PTPRD: variants seen among roughly 807,000 people sequenced by gnomAD.
The protein encoded by PTPRD is protein tyrosine phosphatase receptor type D.
In PTPRD, 34 loss-of-function variants were observed where a neutral mutation model predicts 214.5. That is an observed-to-expected ratio of 0.16 (90% CI 0.12 to 0.21). The LOEUF is 0.21. PTPRD is among the 10% of genes least tolerant of loss of function. The pLI is 1.00. For synonymous variants in PTPRD, 1,128 were observed against 845.7 expected, an observed-to-expected ratio of 1.33 and a Z score of -5.79; for missense variants, 2,545 against 2,398.7, an observed-to-expected ratio of 1.06 and a Z score of -1.27.
At chr9:9,086,912 T>A (rs534956839) in intron 10 of PTPRD, among the ~76,000 whole-genome samples, 2 of 151,832 alleles carry the variant, frequency 1.3e-5, no homozygotes, top group Admixed American at 6.6e-5. Flanking sequence ...TACCATACAA[T>A]AGCAAAAGCC....
intron 13 of PTPRD, among the ~76,000 whole-genome samples, 194 bp downstream of exon 13, chr9:8,636,505 A>T (rs1046154077): frequency 1.3e-5 from 2 of 152,194 alleles, no homozygotes; most frequent in Non-Finnish European, 2.9e-5. Flanking sequence ...AGTAGAAACA[A>T]AAATCAGCCC....
chr9:10,504,620 T>C (rs1302627517), intron 2 of PTPRD, among the ~76,000 whole-genome samples: 1 of 152,170 alleles, frequency 6.6e-6, no homozygotes, highest in Non-Finnish European at 1.5e-5. Flanking sequence ...CTCTTCCGAA[T>C]TCGTCAATTG....
chr9:9,010,145 A>C (rs2099502901), intron 11 of PTPRD, among the ~76,000 whole-genome samples: 1 of 152,222 alleles, frequency 6.6e-6, no homozygotes, highest in African/African-American at 2.4e-5. Context: ...AAAAGAGGCC[A>C]AAATCTGAAC....
chr9:9,764,334 A>G (rs1363338727), intron 6 of PTPRD, among the ~76,000 whole-genome samples: 1 of 152,204 alleles, frequency 6.6e-6, no homozygotes, highest in Non-Finnish European at 1.5e-5. Flanking sequence ...CATTCAAAAT[A>G]TGCTTGTGCA....
intron 14 of PTPRD, among the ~76,000 whole-genome samples, chr9:8,544,655 A>T (rs1243600772): frequency 6.6e-6 from 1 of 150,730 alleles, no homozygotes; most frequent in Non-Finnish European, 1.5e-5. Context: ...TTTTTAGTAG[A>T]GACAGGGTTT....
chr9:8,661,725 G>A (rs1281726825), intron 12 of PTPRD, among the ~76,000 whole-genome samples: 1 of 151,378 alleles, frequency 6.6e-6, no homozygotes, highest in Non-Finnish European at 1.5e-5. Context: ...TACTTTCACA[G>A]TTATTTCTGT....
At chr9:10,526,902 G>C (rs964057328) in intron 2 of PTPRD, among the ~76,000 whole-genome samples, 1 of 152,088 alleles carries the variant, frequency 6.6e-6, no homozygotes, top group Non-Finnish European at 1.5e-5. Context: ...CATTATCTAT[G>C]TGTTCATCCT....
At chr9:9,304,003 G>C (rs886931008) in intron 9 of PTPRD, among the ~76,000 whole-genome samples, 18 of 152,018 alleles carry the variant, frequency 1.2e-4, no homozygotes, top group African/African-American at 3.9e-4. Context: ...TCTCCAACTG[G>C]GCTCAAGGAG....
At chr9:8,759,097 C>T (rs1598915945) in intron 11 of PTPRD, among the ~76,000 whole-genome samples, 1 of 152,004 alleles carries the variant, frequency 6.6e-6, no homozygotes, top group African/African-American at 2.4e-5. Context: ...GTGACACGAT[C>T]AAGGCTCACT....
chr9:9,618,151 G>C (rs1345662205), intron 7 of PTPRD, among the ~76,000 whole-genome samples: 1 of 148,870 alleles, frequency 6.7e-6, no homozygotes, highest in Non-Finnish European at 1.5e-5. Flanking sequence ...GGCAAGATTG[G>C]AGGTGGGGTA....
At chr9:9,752,189 G>T (rs1016948800) in intron 6 of PTPRD, among the ~76,000 whole-genome samples, 2 of 151,994 alleles carry the variant, frequency 1.3e-5, no homozygotes. Flanking sequence ...ATTGAAGTTT[G>T]GGGATTATCT....
intron 37 of PTPRD, among the ~76,000 whole-genome samples, chr9:8,378,395 C>T (rs1436996019): frequency 2.0e-5 from 3 of 151,780 alleles, no homozygotes; most frequent in African/African-American, 7.3e-5. Flanking sequence ...ATAGAACCAA[C>T]ACTACTTCAG....
chr9:8,863,097 A>C (rs758326506), intron 11 of PTPRD, among the ~76,000 whole-genome samples: 1 of 152,236 alleles, frequency 6.6e-6, no homozygotes, highest in African/African-American at 2.4e-5. Flanking sequence ...CACATCTTTC[A>C]TAAAGAAAGG....
intron 10 of PTPRD, among the ~76,000 whole-genome samples, chr9:9,107,412 C>T (rs1398903510): frequency 1.3e-5 from 2 of 152,136 alleles, no homozygotes; most frequent in Admixed American, 6.5e-5. Context: ...TTTCATCTAC[C>T]AGCCTTGTTT....
At position 8,548,676 on chromosome 9, in the gene PTPRD, A is replaced by ATT. The variant is rs71317369; in HGVS notation, c.353-19899_353-19898dup. 1.3e-3 allele frequency among the ~76,000 whole-genome samples: 55 copies of ATT among 41,110 alleles called. 1 individual carries two copies. Among genetic ancestry groups the ATT allele is most frequent in the South Asian group, 2.5e-3 (2 of 796 alleles). The allele number at this position is 41,110 out of a possible 152,430, so 27.0% of individuals were successfully genotyped here. ...AGCCATTGCACCCAGCTGGAGCTGG[A>ATT]TTTTTTTTTTTTTTTTTTTTTTTTT... is the stretch of plus-strand genomic sequence containing the variant. On this transcript the variant is annotated intron_variant, in intron 14 of 45. Transcript: ENST00000381196.
At chr9:9,227,537 C>A (rs569178765) in intron 9 of PTPRD, among the ~76,000 whole-genome samples, 1 of 152,094 alleles carries the variant, frequency 6.6e-6, no homozygotes, top group Non-Finnish European at 1.5e-5. Flanking sequence ...CTATAAGAGA[C>A]AAAGGCTTGA....
At chr9:9,379,200 T>C (rs1056513316) in intron 9 of PTPRD, among the ~76,000 whole-genome samples, 1 of 148,320 alleles carries the variant, frequency 6.7e-6, no homozygotes, top group African/African-American at 2.4e-5. Flanking sequence ...TGTTGAGATA[T>C]ATATATATAT....
At chr9:8,538,950 G>GGAACAAGCAAGGAATGA (rs1224553991) in intron 14 of PTPRD, among the ~76,000 whole-genome samples, 1 of 151,768 alleles carries the variant, frequency 6.6e-6, no homozygotes, top group African/African-American at 2.4e-5. Context: ...GAATGAGACT[G>GGAACAAGCAAGGAATGA]GAACAAGCAA....
chr9:8,713,248 T>A, intron 12 of PTPRD: 1 of 631,746 alleles, frequency 1.6e-6, no homozygotes, highest in Non-Finnish European at 2.8e-6. Flanking sequence ...AGTCTCCAAT[T>A]GTCCACTTAA....
Sources: gnomAD v4.1 joint callset for allele counts (sites outside exome capture counted in the v4.1 genomes callset) on GRCh38, gnomAD v4.1.1 for gene constraint, MANE v1.5 for transcripts, NCBI Gene and HGNC (gene_info 2026-07-23, HGNC 2026-07-21) for gene names.